GARIN1A: variants seen among roughly 807,000 people sequenced by gnomAD.
The protein encoded by GARIN1A is golgi associated RAB2 interactor 1A, also known as Golgi-associated RAB2 interactor protein 1A.
the GARIN1A span, chr7:128,686,722 G>T: frequency 2.0e-5 from 3 of 152,050 alleles, no homozygotes; most frequent in African/African-American, 2.4e-5. Flanking sequence ...CTAAAAATGT[G>T]AAAATTAGCC....
chr7:128,704,442 T>C, the GARIN1A span, among the ~76,000 whole-genome samples: 1 of 151,964 alleles, frequency 6.6e-6, no homozygotes, highest in East Asian at 1.9e-4. Flanking sequence ...GTAGCTGGGA[T>C]TACAGGCATG....
chr7:128,675,484 A>G, the GARIN1A span, among the ~76,000 whole-genome samples: 1 of 152,176 alleles, frequency 6.6e-6, no homozygotes, highest in Non-Finnish European at 1.5e-5. Context: ...GAGAAGAATG[A>G]CACAGGGTTC....
At chr7:128,677,691 C>A in the GARIN1A span, 1 of 1,613,788 alleles carries the variant, frequency 6.2e-7, no homozygotes, top group Non-Finnish European at 8.5e-7. Flanking sequence ...GATTGTGTTT[C>A]AATTCTGGGT....
At chr7:128,706,849 G>A in the GARIN1A span, among the ~76,000 whole-genome samples, 6 of 152,154 alleles carry the variant, frequency 3.9e-5, no homozygotes, top group African/African-American at 1.4e-4. Context: ...ACAGCAGGCA[G>A]TAAGGCAGCT....
the GARIN1A span, chr7:128,675,857 C>A: frequency 6.2e-7 from 1 of 1,606,594 alleles, no homozygotes; most frequent in Non-Finnish European, 8.5e-7. Context: ...TCAACCTCAG[C>A]AGGTAAAGGC....
chr7:128,680,725 C>T, the GARIN1A span, among the ~76,000 whole-genome samples: 21 of 152,106 alleles, frequency 1.4e-4, no homozygotes, highest in African/African-American at 2.9e-4. Context: ...CCACCACACC[C>T]GGCTAATTTT....
the GARIN1A span, among the ~76,000 whole-genome samples, chr7:128,681,303 C>A: frequency 6.6e-6 from 1 of 152,176 alleles, no homozygotes; most frequent in Non-Finnish European, 1.5e-5. Context: ...GTGACCTTTC[C>A]TAGGGGGGAA....
chr7:128,705,655 G>GT, the GARIN1A span, among the ~76,000 whole-genome samples: 35 of 61,508 alleles, frequency 5.7e-4, 1 homozygote, highest in African/African-American at 2.1e-3. Flanking sequence ...TTTTTTTGGT[G>GT]TTTTTTTTTT....
At chr7:128,705,264 A>G in the GARIN1A span, among the ~76,000 whole-genome samples, 2 of 152,044 alleles carry the variant, frequency 1.3e-5, no homozygotes, top group African/African-American at 4.8e-5. Context: ...CCATCCCCCA[A>G]TCGGGAACAG....
At chr7:128,677,659 A>G in the GARIN1A span, 1 of 1,613,830 alleles carries the variant, frequency 6.2e-7, no homozygotes, top group Non-Finnish European at 8.5e-7. Flanking sequence ...TACTATCTGA[A>G]GCTCCACGAA....
At chr7:128,674,593 A>T in the GARIN1A span, among the ~76,000 whole-genome samples, 1 of 152,078 alleles carries the variant, frequency 6.6e-6, no homozygotes, top group Non-Finnish European at 1.5e-5. Flanking sequence ...CAATGTGTAC[A>T]ACCCTTTGTG....
chr7:128,692,502 CAAA>C, the GARIN1A span, among the ~76,000 whole-genome samples: 1 of 152,018 alleles, frequency 6.6e-6, no homozygotes, highest in African/African-American at 2.4e-5. Flanking sequence ...AGAAAAGAAA[CAAA>C]ACATTGTTAT....
At chr7:128,698,490 C>T in the GARIN1A span, among the ~76,000 whole-genome samples, 3 of 152,172 alleles carry the variant, frequency 2.0e-5, no homozygotes, top group African/African-American at 7.2e-5. Context: ...CAGCTAGGTC[C>T]TATAATCTTC....
chr7:128,672,582 TTC>T, the GARIN1A span: 1 of 1,567,944 alleles, frequency 6.4e-7, no homozygotes, highest in Non-Finnish European at 8.7e-7. Context: ...CCAGCTGTCT[TTC>T]TGTTTCCAAA....
At chr7:128,705,378 G>A in the GARIN1A span, among the ~76,000 whole-genome samples, 1 of 152,036 alleles carries the variant, frequency 6.6e-6, no homozygotes, top group African/African-American at 2.4e-5. Context: ...GTCAAACTTG[G>A]GTCTTGTTTT....
chr7:128,672,327 A>G, the GARIN1A span: 1 of 1,358,828 alleles, frequency 7.4e-7, no homozygotes, highest in Non-Finnish European at 1.0e-6. Context: ...GATCACATCA[A>G]CATCCTGGCA....
chr7:128,679,970 C>A, the GARIN1A span: 1 of 991,518 alleles, frequency 1.0e-6, no homozygotes, highest in Non-Finnish European at 1.5e-6. Flanking sequence ...AGTTCTACCC[C>A]GAGGAGGCCA....
chr7:128,695,893 C>A, the GARIN1A span, among the ~76,000 whole-genome samples: 2 of 152,072 alleles, frequency 1.3e-5, no homozygotes, highest in Non-Finnish European at 2.9e-5. The surrounding 1 kb of genome is among the most constrained non-coding windows in gnomAD (Gnocchi z 4.5). Context: ...AAATTCCATA[C>A]CTATACTACA....
the GARIN1A span, among the ~76,000 whole-genome samples, chr7:128,676,130 C>T: frequency 2.0e-5 from 3 of 151,308 alleles, no homozygotes; most frequent in East Asian, 2.0e-4. Flanking sequence ...CGCCATTCAC[C>T]GAGTAGCTGG....
Sources: gnomAD v4.1 joint callset for allele counts (sites outside exome capture counted in the v4.1 genomes callset) on GRCh38, gnomAD v4.1.1 for gene constraint, Gnocchi (gnomAD v3.1) non-coding constraint, MANE v1.5 for transcripts, NCBI Gene and HGNC (gene_info 2026-07-23, HGNC 2026-07-21) for gene names.